VAV3: variants seen among roughly 807,000 people sequenced by gnomAD.
The protein encoded by VAV3 is vav guanine nucleotide exchange factor 3, also known as guanine nucleotide exchange factor VAV3.
In VAV3, 94 loss-of-function variants were observed where a neutral mutation model predicts 131.2. The ratio of observed to expected loss-of-function variants is 0.72; its 90% CI spans 0.61 to 0.85. The LOEUF is 0.85. VAV3 is among the 40% of genes least tolerant of loss of function. The pLI, the probability that VAV3 is intolerant of heterozygous loss-of-function variation, is 0.00. For missense variants in VAV3, 939 were observed against 1,002.7 expected (o/e 0.94, Z 0.86); for synonymous variants, 349 against 342.0 (o/e 1.02, Z -0.22).
intron 2 of VAV3, among the ~76,000 whole-genome samples, chr1:107,864,788 G>A (rs1216304415): frequency 6.6e-6 from 1 of 152,262 alleles, no homozygotes; most frequent in East Asian, 1.9e-4. Context: ...ATCACTGGTT[G>A]TAATTATCTT....
chr1:107,760,915 T>G, intron 9 of VAV3, 36 bp from the exon 10 acceptor site: 1 of 1,501,022 alleles, frequency 6.7e-7, no homozygotes, highest in Non-Finnish European at 9.2e-7. Flanking sequence ...TGTTAGGGAG[T>G]CATAAACATT....
At chr1:107,713,281 T>C (rs983357762) in intron 15 of VAV3, among the ~76,000 whole-genome samples, 2 of 152,072 alleles carry the variant, frequency 1.3e-5, no homozygotes, top group Admixed American at 6.6e-5. Context: ...TAACTACTTA[T>C]ATAATCTTTA....
At chr1:107,708,044 T>C (rs189808359) in intron 15 of VAV3, among the ~76,000 whole-genome samples, 2 of 152,336 alleles carry the variant, frequency 1.3e-5, no homozygotes, top group Admixed American at 1.3e-4. Context: ...TAAGTATTTA[T>C]TGAGTAACTA....
At chr1:107,837,851 C>A (rs895839908) in intron 2 of VAV3, among the ~76,000 whole-genome samples, 11 of 152,118 alleles carry the variant, frequency 7.2e-5, no homozygotes, top group African/African-American at 2.7e-4. Flanking sequence ...GAGAATGGAA[C>A]TGGACTCCTA....
At chr1:107,636,474 A>G (rs778179768) in intron 20 of VAV3, among the ~76,000 whole-genome samples, 13 of 152,218 alleles carry the variant, frequency 8.5e-5, no homozygotes, top group African/African-American at 1.2e-4. Flanking sequence ...TGAAAATATC[A>G]TAAGTCAAAA....
chr1:107,958,592 C>T (rs1002246950), intron 1 of VAV3, among the ~76,000 whole-genome samples: 3 of 151,628 alleles, frequency 2.0e-5, no homozygotes, highest in Non-Finnish European at 4.4e-5. Flanking sequence ...ACAATCTGAA[C>T]AAAAAGAAGA....
intron 1 of VAV3, among the ~76,000 whole-genome samples, chr1:107,879,607 C>T (rs1012387364): frequency 6.6e-6 from 1 of 151,822 alleles, no homozygotes; most frequent in Non-Finnish European, 1.5e-5. Flanking sequence ...TCTGCTAGAC[C>T]TTTGAATCAT....
intron 2 of VAV3, among the ~76,000 whole-genome samples, chr1:107,827,377 C>T (rs917090317): frequency 5.9e-5 from 9 of 152,178 alleles, no homozygotes; most frequent in African/African-American, 2.2e-4. Context: ...CATTTTCAAA[C>T]TCTCATCACA....
intron 15 of VAV3, among the ~76,000 whole-genome samples, chr1:107,730,842 C>T (rs1215480819): frequency 1.3e-5 from 2 of 152,258 alleles, no homozygotes; most frequent in Admixed American, 1.3e-4. Context: ...TAGAAAACAA[C>T]AGTAGGTGTT....
intron 2 of VAV3, among the ~76,000 whole-genome samples, chr1:107,810,777 A>G (rs1400402613): frequency 2.0e-5 from 3 of 152,160 alleles, no homozygotes; most frequent in Non-Finnish European, 2.9e-5. Context: ...ATATCCTGAG[A>G]TCATCCCACA....
intron 2 of VAV3, among the ~76,000 whole-genome samples, chr1:107,787,558 C>A (rs900351399): frequency 2.6e-5 from 4 of 152,164 alleles, no homozygotes; most frequent in Non-Finnish European, 5.9e-5. Context: ...GCCAGACTCT[C>A]TTTCTTCAGG....
chr1:107,645,837 AG>A (rs1224388375), intron 19 of VAV3, among the ~76,000 whole-genome samples: 1 of 152,106 alleles, frequency 6.6e-6, no homozygotes, highest in Non-Finnish European at 1.5e-5. Flanking sequence ...TTCTCCCCTT[AG>A]AAAATATGCC....
intron 17 of VAV3, among the ~76,000 whole-genome samples, chr1:107,691,803 G>A (rs1266564010): frequency 2.0e-5 from 3 of 152,070 alleles, no homozygotes; most frequent in Non-Finnish European, 4.4e-5. Flanking sequence ...GTGTTGCTGA[G>A]GTGCTTGGAG....
At position 107,777,375 on chromosome 1, in the gene VAV3, C is replaced by G. The variant is rs1011602097; in HGVS notation, c.381-79G>C. ...CAACAATCAGGCTGCGCACTTAACCCTCACTAAATATGTAAGTTGTCTGCT... is the reference window on the plus strand; with the variant it reads ...CAACAATCAGGCTGCGCACTTAACCGTCACTAAATATGTAAGTTGTCTGCT... On this transcript the variant is annotated intron_variant, in intron 3 of 26. Transcript: ENST00000370056. 62 of 1,292,532 alleles carry G rather than the reference C, an allele frequency of 4.8e-5. 1 individual carries two copies. The highest frequency in any genetic ancestry group is 7.3e-5 in the Admixed American group (4 of 54,712). The allele number at this position is 1,292,532 out of a possible 1,614,324, so 80.1% of individuals were successfully genotyped here.
chr1:107,944,078 C>T (rs1357712005), intron 1 of VAV3, among the ~76,000 whole-genome samples: 2 of 152,194 alleles, frequency 1.3e-5, no homozygotes, highest in African/African-American at 4.8e-5. Flanking sequence ...CTCCCAAGGT[C>T]AAAATAATAA....
intron 18 of VAV3, 93 bp downstream of exon 18, chr1:107,688,288 C>T (rs1441097962): frequency 7.3e-7 from 1 of 1,372,796 alleles, no homozygotes; most frequent in Non-Finnish European, 9.8e-7. Context: ...TTTTAAAAGG[C>T]ACATTTAACA....
intron 2 of VAV3, among the ~76,000 whole-genome samples, chr1:107,833,673 A>G (rs936681704): frequency 2.6e-5 from 4 of 152,168 alleles, no homozygotes; most frequent in African/African-American, 9.7e-5. Context: ...TCAGGAATCA[A>G]TTATACAGTG....
chr1:107,742,813 G>A (rs1663103102), intron 15 of VAV3, among the ~76,000 whole-genome samples: 1 of 152,176 alleles, frequency 6.6e-6, no homozygotes, highest in Non-Finnish European at 1.5e-5. Context: ...ATGAAGAGAA[G>A]GCAGTAAACA....
intron 10 of VAV3, among the ~76,000 whole-genome samples, chr1:107,759,751 G>A (rs1019614451): frequency 6.6e-6 from 1 of 152,068 alleles, no homozygotes; most frequent in South Asian, 2.1e-4. Context: ...GTAAAACCCT[G>A]TAAGGACCAA....
Sources: gnomAD v4.1 joint callset for allele counts (sites outside exome capture counted in the v4.1 genomes callset) on GRCh38, gnomAD v4.1.1 for gene constraint, MANE v1.5 for transcripts, NCBI Gene and HGNC (gene_info 2026-07-23, HGNC 2026-07-21) for gene names.